Variants in ITGA9 observed in about 807,000 individuals in gnomAD.
ITGA9 encodes the protein integrin alpha-9.
In ITGA9, 56 loss-of-function variants were observed where a neutral mutation model predicts 127.8. The observed-to-expected ratio is 0.44, with a 90% CI of 0.35 to 0.55. ITGA9 has a LOEUF of 0.55. Among genes scored for constraint, ITGA9 ranks in the 20% least tolerant of loss-of-function variants. The probability of loss-of-function intolerance (pLI) is 0.00; values close to 1 mark genes in which losing one functional copy is unlikely to be tolerated. For synonymous variants in ITGA9, 508 were observed against 514.5 expected (o/e 0.99, Z 0.17); for missense variants, 1,196 against 1,347.1 (o/e 0.89, Z 1.76).
chr3:37,687,797 T>C lies in ITGA9; in HGVS notation c.2067+3782T>C, dbSNP rs934024322. ...ATTCATAGGCTATTACCTCTTCCAG[T>C]TTGGATTTCCCCAAAAGCATACCCT... On this transcript the variant is annotated intron_variant, in intron 18 of 27. Coordinates refer to ENST00000264741, the MANE Select transcript of ITGA9 (RefSeq NM_002207.3). Among the ~76,000 whole-genome samples, 4 of 152,140 alleles carry C rather than the reference T, an allele frequency of 2.6e-5. No individual in the cohort carries two copies. The South Asian group carries it at 8.3e-4, about 31-fold the overall frequency.
chr3:37,653,367 C>A (rs1700446808), intron 16 of ITGA9, among the ~76,000 whole-genome samples: 1 of 152,126 alleles, frequency 6.6e-6, no homozygotes, highest in East Asian at 1.9e-4. Context: ...GATTATCATT[C>A]ATCTAAGAGC....
At position 37,683,913 on chromosome 3, in the gene ITGA9, C is replaced by G; in HGVS notation, c.1965C>G (p.Ile655Met). 6.2e-7 allele frequency: 1 copy of G among 1,614,106 alleles called. No homozygotes were observed. Among genetic ancestry groups the G allele is most frequent in the South Asian group, 1.1e-5 (1 of 91,074 alleles). The part of the protein sequence containing the change: ...LYLALGAVKN[I>M]SLNISISNLG... ...TAGCTTTGGGGGCTGTGAAGAACATCTCCCTAAACATCTCTATCTCCAACC... is the reference window on the plus strand; with the variant it reads ...TAGCTTTGGGGGCTGTGAAGAACATGTCCCTAAACATCTCTATCTCCAACC... The change falls in exon 18 of 28, where the codon ATC becomes ATG. Residue 655 changes from isoleucine to methionine, a missense_variant. Physicochemically the swap from Ile to Met is conservative, Grantham distance 10. Coordinates refer to ENST00000264741, the MANE Select transcript of ITGA9 (RefSeq NM_002207.3).
intron 23 of ITGA9, among the ~76,000 whole-genome samples, chr3:37,765,924 A>G (rs1696774986): frequency 6.6e-6 from 1 of 152,244 alleles, no homozygotes; most frequent in Non-Finnish European, 1.5e-5. Context: ...TGTTGCCAGC[A>G]TGTAGGCTAG....
chr3:37,755,559 G>T (rs1696643168), intron 23 of ITGA9, among the ~76,000 whole-genome samples: 1 of 152,136 alleles, frequency 6.6e-6, no homozygotes, highest in Non-Finnish European at 1.5e-5. Context: ...ATAAACTAGA[G>T]ATTTGTAAAT....
At chr3:37,776,159 C>T (rs1319087709) in intron 23 of ITGA9, among the ~76,000 whole-genome samples, 1 of 152,062 alleles carries the variant, frequency 6.6e-6, no homozygotes, top group Non-Finnish European at 1.5e-5. Context: ...AAGAAGGGAA[C>T]AACAGACACT....
At chr3:37,750,615 G>T in intron 23 of ITGA9, 46 bp downstream of exon 23, 2 of 1,382,998 alleles carry the variant, frequency 1.4e-6, no homozygotes, top group Non-Finnish European at 2.1e-6. Context: ...CTTTGAGCCA[G>T]CCCATTCAAA....
intron 5 of ITGA9, among the ~76,000 whole-genome samples, chr3:37,496,697 A>G (rs913506866): frequency 1.3e-5 from 2 of 152,082 alleles, no homozygotes; most frequent in East Asian, 1.9e-4. Context: ...ATGAAATGCA[A>G]ATGCCTTCCC....
At chr3:37,475,146 G>A (rs1042261256) in intron 3 of ITGA9, among the ~76,000 whole-genome samples, 1 of 152,226 alleles carries the variant, frequency 6.6e-6, no homozygotes, top group Non-Finnish European at 1.5e-5. Flanking sequence ...CAGGCATGGT[G>A]GCCTGACCCT....
At chr3:37,560,083 TA>T (rs1699470898) in intron 15 of ITGA9, among the ~76,000 whole-genome samples, 2 of 151,856 alleles carry the variant, frequency 1.3e-5, no homozygotes, top group Admixed American at 1.3e-4. Context: ...GTATTTCTCC[TA>T]ATGCTATCCC....
At chr3:37,520,250 C>T (rs1699030354) in intron 11 of ITGA9, among the ~76,000 whole-genome samples, 1 of 152,214 alleles carries the variant, frequency 6.6e-6, no homozygotes, top group Admixed American at 6.5e-5. Context: ...TACTGGCCTC[C>T]TGCTGAGCTC....
chr3:37,681,863 T>C (rs569505141), intron 17 of ITGA9, among the ~76,000 whole-genome samples: 1 of 151,982 alleles, frequency 6.6e-6, no homozygotes, highest in Non-Finnish European at 1.5e-5. Context: ...CTCTTTCTCC[T>C]CCAACTCCCA....
At chr3:37,496,884 G>A (rs1698736055) in intron 5 of ITGA9, among the ~76,000 whole-genome samples, 4 of 152,202 alleles carry the variant, frequency 2.6e-5, no homozygotes, top group Admixed American at 2.6e-4. Context: ...TGGAGGAACT[G>A]CTGGGTCCAA....
At chr3:37,726,694 GC>G (rs1262862159) in intron 18 of ITGA9, among the ~76,000 whole-genome samples, 6 of 152,232 alleles carry the variant, frequency 3.9e-5, no homozygotes, top group Non-Finnish European at 8.8e-5. Context: ...CAGCAAATGA[GC>G]TGCTTCTTGC....
rs1699735781 is a variant in ITGA9, at chr3:37,584,323, CT to C, written c.1689+41740del. On this transcript the variant is annotated intron_variant, in intron 15 of 27. Transcript: ENST00000264741. Reference sequence around the variant, plus strand: ...GGTAGGCTCAGAACTGGCACTATCACTTCTGCCCTCATTCCATTGGCCAGAG... The same window carrying C: ...GGTAGGCTCAGAACTGGCACTATCACTCTGCCCTCATTCCATTGGCCAGAG... Among the ~76,000 whole-genome samples, 3 of 152,338 alleles carry C rather than the reference CT, an allele frequency of 2.0e-5. No individual in the cohort carries two copies. The South Asian group carries it at 6.2e-4, about 32-fold the overall frequency.
intron 6 of ITGA9, among the ~76,000 whole-genome samples, chr3:37,504,610 G>A (rs138618314): frequency 2.6e-5 from 4 of 152,320 alleles, no homozygotes; most frequent in African/African-American, 7.2e-5. Context: ...TGAAGAGAGA[G>A]CAGAAGAAAG....
At chr3:37,713,272 A>G (rs1394355957) in intron 18 of ITGA9, among the ~76,000 whole-genome samples, 1 of 152,214 alleles carries the variant, frequency 6.6e-6, no homozygotes, top group East Asian at 1.9e-4. Flanking sequence ...CTAGAAGTTC[A>G]TGTGACCTTT....
rs1226409264 is a variant in ITGA9 at position 37,585,480 on chromosome 3, A to G, written c.1689+42895A>G. 9.2e-6 allele frequency: 4 copies of G among 432,440 alleles called. No homozygotes were observed. The Admixed American group carries it at 9.4e-5, about 10-fold the overall frequency. 26.8% of individuals were successfully genotyped at this position (432,440 alleles called of 1,614,324 possible). On this transcript the variant is annotated intron_variant, in intron 15 of 27. Transcript: ENST00000264741. ...AGTAAATTCATTAGAGCGAATTCAAATAAATAAGGTTTTACTTTTCTTCTT... is the reference window on the plus strand; with the variant it reads ...AGTAAATTCATTAGAGCGAATTCAAGTAAATAAGGTTTTACTTTTCTTCTT...
At chr3:37,788,958 T>C (rs938715040) in intron 26 of ITGA9, among the ~76,000 whole-genome samples, 6 of 152,200 alleles carry the variant, frequency 3.9e-5, no homozygotes, top group African/African-American at 1.4e-4. Context: ...TTGTAAACAC[T>C]AATTTTTTTA....
chr3:37,623,709 G>A (rs1336995277), intron 15 of ITGA9, among the ~76,000 whole-genome samples: 2 of 152,018 alleles, frequency 1.3e-5, no homozygotes, highest in Non-Finnish European at 2.9e-5. Context: ...GTGTGTGTGT[G>A]TGTGTGTCCA....
Sources: gnomAD v4.1 joint callset for allele counts (sites outside exome capture counted in the v4.1 genomes callset) on GRCh38, gnomAD v4.1.1 for gene constraint, MANE v1.5 for transcripts, NCBI Gene and HGNC (gene_info 2026-07-23, HGNC 2026-07-21) for gene names.